PDE4DIP: variants seen among roughly 807,000 people sequenced by gnomAD.
PDE4DIP encodes the protein phosphodiesterase 4D interacting protein.
In PDE4DIP, 59 loss-of-function variants were observed where a neutral mutation model predicts 221.4. The observed-to-expected ratio is 0.27, with a 90% CI of 0.22 to 0.33. The LOEUF is 0.33. PDE4DIP is among the 10% of genes least tolerant of loss of function. The pLI is 1.00. For synonymous variants in PDE4DIP, 404 were observed against 815.9 expected, an observed-to-expected ratio of 0.50 and a Z score of 8.60; for missense variants, 1,036 against 2,154.2, an observed-to-expected ratio of 0.48 and a Z score of 10.28.
chr1:149,031,644 G>A lies in PDE4DIP; in HGVS notation c.7000-300G>A, dbSNP rs3885801. 6.1e-3 allele frequency among the ~76,000 whole-genome samples: 800 copies of A among 131,052 alleles called. 27 individuals are homozygous for A. Among genetic ancestry groups the A allele is most frequent in the Admixed American group, 0.059 (735 of 12,434 alleles). 86.0% of individuals were successfully genotyped at this position (131,052 alleles called of 152,430 possible). The stretch of plus-strand genomic sequence containing the variant: ...GACATGGCAAAGGCCTCTTTCTGCT[G>A]AGACAAAGTGATTTGGAGAGTCACC... On this transcript the variant is annotated intron_variant, in intron 43 of 43. Coordinates refer to ENST00000369354, the Ensembl canonical transcript of PDE4DIP.
Position 148,826,274 on chromosome 1 carries a change from T to C in PDE4DIP, c.233+17537T>C, listed in dbSNP as rs1373729913. ...CCACAAGCTCTGAGCCTGGGCCAGC[T>C]TGGGTATTTCTGTACCTCTCTGTCT... On this transcript the variant is annotated intron_variant, in intron 1 of 45. Coordinates refer to the PDE4DIP transcript ENST00000524974. Among the ~76,000 whole-genome samples, 8 of 84,760 alleles carry C rather than the reference T, an allele frequency of 9.4e-5. 1 individual carries two copies. Among genetic ancestry groups the C allele is most frequent in the African/African-American group, 3.4e-4 (8 of 23,580 alleles). 55.6% of individuals were successfully genotyped at this position (84,760 alleles called of 152,430 possible). A position where few individuals can be genotyped will look rare whatever the true frequency, so the allele number is the denominator to read the frequency against.
intron 37 of PDE4DIP, among the ~76,000 whole-genome samples, chr1:149,022,233 AT>A (rs2073224368): frequency 6.9e-6 from 1 of 143,988 alleles, no homozygotes; most frequent in African/African-American, 2.6e-5. Flanking sequence ...ATATTGTTAG[AT>A]TAAGGGGCAC....
At chr1:148,830,189 ACTC>A (rs1178480571) in intron 1 of PDE4DIP, among the ~76,000 whole-genome samples, 2 of 11,348 alleles carry the variant, frequency 1.8e-4, no homozygotes, top group Admixed American at 1.9e-3. Context: ...CTGCCTCTGA[ACTC>A]CTACCTGTTC....
intron 9 of PDE4DIP, among the ~76,000 whole-genome samples, chr1:148,962,927 C>T (rs2057278129): frequency 6.6e-6 from 1 of 152,164 alleles, no homozygotes; most frequent in Admixed American, 6.5e-5. Context: ...GAGTCTCGCT[C>T]TGTCGCCAAG....
chr1:148,985,243 G>A (rs1430058612), intron 21 of PDE4DIP: 1 of 152,106 alleles, frequency 6.6e-6, no homozygotes, highest in Non-Finnish European at 1.5e-5. Flanking sequence ...AGAAAGAATA[G>A]CTGGAAATAT....
chr1:148,976,662 CATT>C (rs1345601495), intron 17 of PDE4DIP, among the ~76,000 whole-genome samples: 2 of 151,888 alleles, frequency 1.3e-5, no homozygotes, highest in Middle Eastern at 3.4e-3. Context: ...AATAAATAAA[CATT>C]ATAGTTATAG....
chr1:148,972,979 T>TAA (rs1175706032), intron 16 of PDE4DIP, among the ~76,000 whole-genome samples: 5 of 130,702 alleles, frequency 3.8e-5, no homozygotes, highest in Non-Finnish European at 8.1e-5. Flanking sequence ...TATATATATA[T>TAA]AATGTTAGCA....
chr1:149,015,418 A>C (rs2070135592), intron 32 of PDE4DIP, among the ~76,000 whole-genome samples: 1 of 151,992 alleles, frequency 6.6e-6, no homozygotes, highest in Non-Finnish European at 1.5e-5. Flanking sequence ...AGGAGGAGCT[A>C]CCTGTCTATT....
exon 44 of PDE4DIP, chr1:149,032,099 G>A (rs762098597): frequency 2.0e-4 from 313 of 1,596,680 alleles, no homozygotes; most frequent in Middle Eastern, 4.5e-4. Context: ...AGGAGCATCT[G>A]GGCCTCATTC....
intron 17 of PDE4DIP, 40 bp from the exon 21 acceptor site, chr1:148,977,897 A>C: frequency 6.2e-7 from 1 of 1,602,972 alleles, no homozygotes; most frequent in South Asian, 1.1e-5. Context: ...CCTCAGTGTT[A>C]AAATGTAAAC....
In PDE4DIP at chr1:149,000,553, CA is replaced by C. The variant is rs71976961; in HGVS notation, c.3138-1026del. ...TGGGTGACAGAGTGAGACTCTGTCTCAAAAAAAAAAAATAAATAAATAAAAA... is the reference window on the plus strand; with the variant it reads ...TGGGTGACAGAGTGAGACTCTGTCTCAAAAAAAAAAATAAATAAATAAAAA... On this transcript the variant is annotated intron_variant, in intron 23 of 43. Transcript: ENST00000369354. 2.4e-3 allele frequency among the ~76,000 whole-genome samples: 309 copies of C among 129,480 alleles called. 1 individual carries two copies. The highest frequency in any genetic ancestry group is 3.4e-3 in the Non-Finnish European group (200 of 59,654). 84.9% of individuals were successfully genotyped at this position (129,480 alleles called of 152,430 possible). A position where few individuals can be genotyped will look rare whatever the true frequency, so the allele number is the denominator to read the frequency against.
At chr1:148,919,348 G>C (rs190956824) in intron 1 of PDE4DIP, among the ~76,000 whole-genome samples, 463 of 151,484 alleles carry the variant, frequency 3.1e-3, no homozygotes, top group Non-Finnish European at 4.0e-3. Flanking sequence ...ACCAGTTTAA[G>C]GTCACACAGG....
At position 148,992,326 on chromosome 1, in the gene PDE4DIP, G is replaced by T. The variant is rs1189935913; in HGVS notation, c.2904+353G>T. ...CCCTTGGGCTTTTTGTAACTGAAACGCACCACAGAAGACAGGGAGTCATCG... is the reference window on the plus strand; with the variant it reads ...CCCTTGGGCTTTTTGTAACTGAAACTCACCACAGAAGACAGGGAGTCATCG... On this transcript the variant is annotated intron_variant, in intron 22 of 43. Transcript: ENST00000369354. The T allele has an allele frequency of 1.3e-5, 21 of 1,591,396 alleles. No homozygotes were observed. The Admixed American group carries it at 1.6e-4, about 12-fold the overall frequency.
chr1:148,987,014 C>T (rs1339188341), intron 21 of PDE4DIP, among the ~76,000 whole-genome samples: 4 of 152,092 alleles, frequency 2.6e-5, no homozygotes, highest in Middle Eastern at 3.4e-3. Context: ...GAATAATTAC[C>T]CTTTTGGAGA....
At chr1:149,014,958 C>G (rs2069922231) in intron 32 of PDE4DIP, among the ~76,000 whole-genome samples, 1 of 152,046 alleles carries the variant, frequency 6.6e-6, no homozygotes, top group South Asian at 2.1e-4. Flanking sequence ...TATCTGCAAC[C>G]ACTGATTTCT....
chr1:148,990,032 G>A (rs1260124917), intron 21 of PDE4DIP: 1 of 160,164 alleles, frequency 6.2e-6, no homozygotes, highest in Admixed American at 6.5e-5. Flanking sequence ...AGGTGGTAGA[G>A]GCTTCACTGA....
At chr1:148,989,186 T>C (rs2062497573) in intron 21 of PDE4DIP, 1 of 375,192 alleles carries the variant, frequency 2.7e-6, no homozygotes, top group Admixed American at 4.5e-5. Flanking sequence ...TTTTTTAGCT[T>C]TACCCCTCAA....
chr1:149,006,642 G>A (rs1187753916), intron 27 of PDE4DIP: 3 of 148,024 alleles, frequency 2.0e-5, no homozygotes, highest in African/African-American at 7.6e-5. Flanking sequence ...TATTCTCACA[G>A]ACCTTATGAT....
At chr1:149,025,319 C>G (rs1204249291) in intron 38 of PDE4DIP, among the ~76,000 whole-genome samples, 2 of 151,966 alleles carry the variant, frequency 1.3e-5, no homozygotes, top group East Asian at 2.0e-4. Context: ...CCCAGATTCT[C>G]TAGTCCCCCT....
Sources: allele counts gnomAD v4.1 joint callset (sites outside exome capture counted in the v4.1 genomes callset), GRCh38; gene constraint gnomAD v4.1.1; transcripts MANE v1.5; gene names NCBI Gene and HGNC (gene_info 2026-07-23, HGNC 2026-07-21).